Variants in USH2A observed in about 807,000 individuals in gnomAD.
USH2A encodes usherin.
In USH2A, 443 loss-of-function variants were observed where a neutral mutation model predicts 538.9. The ratio of observed to expected loss-of-function variants is 0.82; its 90% CI spans 0.76 to 0.89. The LOEUF (loss-of-function observed/expected upper bound fraction) is 0.89, where lower values mean the gene tolerates loss of function less well. USH2A is among the 40% of genes least tolerant of loss of function. The probability of loss-of-function intolerance (pLI) is 0.00; values close to 1 mark genes in which losing one functional copy is unlikely to be tolerated. For missense variants in USH2A, 6,633 were observed against 6,324.8 expected, an observed-to-expected ratio of 1.05 and a Z score of -1.65; for synonymous variants, 2,413 against 2,273.5, an observed-to-expected ratio of 1.06 and a Z score of -1.75.
intron 47 of USH2A, among the ~76,000 whole-genome samples, chr1:215,820,381 C>T (rs149779309): frequency 1.3e-4 from 19 of 151,620 alleles, no homozygotes; most frequent in African/African-American, 4.6e-4. Flanking sequence ...AAGTAACAGG[C>T]TTTACTAGCA....
At chr1:215,692,025 G>C (rs570324139) in intron 61 of USH2A, among the ~76,000 whole-genome samples, 1 of 152,314 alleles carries the variant, frequency 6.6e-6, no homozygotes, top group African/African-American at 2.4e-5. Context: ...ACAATAAAGG[G>C]AAGAAAACCA....
At chr1:216,391,933 C>T (rs2039115824) in intron 3 of USH2A, among the ~76,000 whole-genome samples, 1 of 152,118 alleles carries the variant, frequency 6.6e-6, no homozygotes, top group African/African-American at 2.4e-5. Context: ...GCTTGTGATG[C>T]TCTGCTTGCC....
intron 55 of USH2A, among the ~76,000 whole-genome samples, chr1:215,771,753 T>C (rs6540909): frequency 0.12 from 18,637 of 151,924 alleles, 1,259 homozygotes; most frequent in African/African-American, 0.13. Flanking sequence ...CTAATACTTA[T>C]CTACTTACCA....
chr1:216,035,548 C>G (rs1219383495), intron 32 of USH2A, among the ~76,000 whole-genome samples: 4 of 152,106 alleles, frequency 2.6e-5, no homozygotes, highest in African/African-American at 9.7e-5. Flanking sequence ...TTTAAGCCAT[C>G]TAGTTTGTGT....
chr1:216,356,922 G>A (rs186598871), intron 4 of USH2A, among the ~76,000 whole-genome samples: 61 of 152,098 alleles, frequency 4.0e-4, no homozygotes, highest in African/African-American at 1.3e-3. Context: ...CGGTATAATC[G>A]CTTTTCTAGT....
chr1:216,290,736 C>T (rs537900341), intron 10 of USH2A, among the ~76,000 whole-genome samples: 8 of 152,246 alleles, frequency 5.3e-5, no homozygotes, highest in Non-Finnish European at 7.4e-5. Context: ...TCTTAGAAAC[C>T]GAGTGAACAT....
intron 67 of USH2A, among the ~76,000 whole-genome samples, chr1:215,642,071 A>T (rs72739269): frequency 6.6e-6 from 1 of 152,348 alleles, no homozygotes; most frequent in Non-Finnish European, 1.5e-5. Context: ...GCTTGTAACT[A>T]GCAAGAAAAT....
Position 215,650,853 on chromosome 1 carries a change from G to GA in USH2A, c.14134-53dup, listed in dbSNP as rs371744542. Reference sequence around the variant, plus strand: ...CAAAAGCAAGATACCCTAAGGCTGGGAAAAAAAAAAAAAAAAGAAAGGAAA... The same window carrying GA: ...CAAAAGCAAGATACCCTAAGGCTGGGAAAAAAAAAAAAAAAAAGAAAGGAAA... On this transcript the variant is annotated intron_variant, in intron 64 of 71. Coordinates refer to ENST00000307340, the MANE Select transcript of USH2A (RefSeq NM_206933.4). 0.12 allele frequency: 138,916 copies of GA among 1,173,094 alleles called. 120 individuals are homozygous for GA. Among genetic ancestry groups the GA allele is most frequent in the South Asian group, 0.13 (8,722 of 66,830 alleles). 72.7% of individuals were successfully genotyped at this position (1,173,094 alleles called of 1,614,324 possible).
rs1317988502 is a variant in USH2A at position 216,184,983 on chromosome 1, A to C, written c.4396+5240T>G. 4.6e-5 allele frequency among the ~76,000 whole-genome samples: 7 copies of C among 152,100 alleles called. No homozygotes were observed. In the East Asian group the frequency reaches 1.2e-3, roughly 25 times the overall value. Reference sequence around the variant, plus strand: ...TATCACATTGTCCCTTCAGGAATGGATCTCCAAAAGTAATTTCTCATAAGA... The same window carrying C: ...TATCACATTGTCCCTTCAGGAATGGCTCTCCAAAAGTAATTTCTCATAAGA... On this transcript the variant is annotated intron_variant, in intron 20 of 71. Transcript: ENST00000307340.
intron 21 of USH2A, among the ~76,000 whole-genome samples, chr1:216,158,313 G>A (rs901465560): frequency 1.3e-4 from 20 of 151,938 alleles, no homozygotes; most frequent in African/African-American, 1.5e-4. Context: ...AAGGCTCACC[G>A]CAGCCTTGAA....
At chr1:215,858,021 CT>C (rs1230987860) in intron 44 of USH2A, among the ~76,000 whole-genome samples, 7 of 152,078 alleles carry the variant, frequency 4.6e-5, no homozygotes, top group Admixed American at 4.6e-4. Flanking sequence ...TCAAGTGTTT[CT>C]GTGGCAACTA....
At chr1:216,152,285 T>C (rs1340772941) in intron 21 of USH2A, among the ~76,000 whole-genome samples, 1 of 152,164 alleles carries the variant, frequency 6.6e-6, no homozygotes, top group Non-Finnish European at 1.5e-5. Flanking sequence ...CTGAAGTAAC[T>C]AAAGAATCAC....
At chr1:216,303,372 G>T (rs1252202032) in intron 9 of USH2A, among the ~76,000 whole-genome samples, 1 of 151,786 alleles carries the variant, frequency 6.6e-6, no homozygotes, top group Non-Finnish European at 1.5e-5. Flanking sequence ...ATATTAATAT[G>T]GTGCTTACAG....
chr1:215,651,236 T>C (rs915125158), intron 64 of USH2A, among the ~76,000 whole-genome samples: 1 of 152,230 alleles, frequency 6.6e-6, no homozygotes, highest in Non-Finnish European at 1.5e-5. Flanking sequence ...AAGGAGGGAA[T>C]AAACATATGG....
intron 32 of USH2A, among the ~76,000 whole-genome samples, chr1:216,034,199 T>A (rs1298636404): frequency 6.6e-6 from 1 of 151,940 alleles, no homozygotes; most frequent in Non-Finnish European, 1.5e-5. Context: ...GAGGAAGAGA[T>A]CACACCAGAG....
chr1:215,735,688 CA>C lies in USH2A; in HGVS notation c.11711+5686del, dbSNP rs541696731. Among the ~76,000 whole-genome samples the C allele has an allele frequency of 3.6e-3, 546 of 152,118 alleles. 7 individuals carry two copies. The highest frequency in any genetic ancestry group is 0.012 in the African/African-American group (514 of 41,532). ...CTATTTTGGTGTTTAACATTCCAGACATTTTTTTATATACATATATATGTAA... is the reference window on the plus strand; with the variant it reads ...CTATTTTGGTGTTTAACATTCCAGACTTTTTTTATATACATATATATGTAA... On this transcript the variant is annotated intron_variant, in intron 60 of 71. Coordinates refer to ENST00000307340, the MANE Select transcript of USH2A (RefSeq NM_206933.4).
intron 43 of USH2A, among the ~76,000 whole-genome samples, chr1:215,869,280 A>G (rs943206119): frequency 1.5e-4 from 23 of 152,174 alleles, no homozygotes; most frequent in African/African-American, 5.6e-4. Context: ...TCTTTTAACC[A>G]TGATGCTATA....
chr1:216,104,351 A>G (rs140448225), intron 21 of USH2A, among the ~76,000 whole-genome samples: 3,753 of 152,150 alleles, frequency 0.025, 170 homozygotes, highest in African/African-American at 0.084. Flanking sequence ...TTTGCTGAGA[A>G]TGATGGTTTC....
chr1:215,797,218 G>C (rs780000241), intron 50 of USH2A, among the ~76,000 whole-genome samples: 3 of 152,186 alleles, frequency 2.0e-5, no homozygotes, highest in Non-Finnish European at 4.4e-5. Flanking sequence ...CAGAAGAATA[G>C]ATGAAAGCTA....
Sources: allele counts gnomAD v4.1 joint callset (sites outside exome capture counted in the v4.1 genomes callset), GRCh38; gene constraint gnomAD v4.1.1; transcripts MANE v1.5; gene names NCBI Gene and HGNC (gene_info 2026-07-23, HGNC 2026-07-21).